Variants in SUSD1 observed in about 807,000 individuals in gnomAD.
SUSD1 encodes the protein sushi domain-containing protein 1.
Under a neutral mutation model 86.9 loss-of-function variants are expected in SUSD1, and 65 were observed. That is an observed-to-expected ratio of 0.75 (90% CI 0.61 to 0.92). SUSD1 has a LOEUF of 0.92. Among genes scored for constraint, SUSD1 ranks in the 40% least tolerant of loss-of-function variants. SUSD1 has a pLI of 0.00. For missense variants in SUSD1, 850 were observed against 929.7 expected (o/e 0.91, Z 1.11); for synonymous variants, 346 against 350.0 (o/e 0.99, Z 0.13).
Position 112,114,210 on chromosome 9 carries a change from C to A in SUSD1, c.887-1342G>T, listed in dbSNP as rs141108611. 9.6e-3 allele frequency among the ~76,000 whole-genome samples: 1,468 copies of A among 152,240 alleles called. 12 individuals are homozygous for A. The highest frequency in any genetic ancestry group is 0.051 in the Middle Eastern group (15 of 294). On this transcript the variant is annotated intron_variant, in intron 6 of 16. Transcript: ENST00000374270. The stretch of plus-strand genomic sequence containing the variant: ...CTATCAAAAACAAACAGGCCTGGTG[C>A]AATAGCTCACGCCTGTAATCACAGC...
intron 15 of SUSD1, among the ~76,000 whole-genome samples, chr9:112,042,787 G>A (rs530620818): frequency 6.6e-6 from 1 of 152,296 alleles, no homozygotes; most frequent in Non-Finnish European, 1.5e-5. Flanking sequence ...AAGGAACCAA[G>A]GTGGGAGTGG....
chr9:112,045,508 T>TTGTTGAAGTCTATAAAATAC (rs11269147), intron 15 of SUSD1, among the ~76,000 whole-genome samples: 49,402 of 152,100 alleles, frequency 0.32, 10,229 homozygotes, highest in African/African-American at 0.58. Flanking sequence ...ACATTATTGT[T>TTGTTGAAGTCTATAAAATAC]ATTATGCGTG....
At chr9:112,143,648 A>G in intron 3 of SUSD1, 25 bp from the exon 4 acceptor site, 2 of 1,566,614 alleles carry the variant, frequency 1.3e-6, no homozygotes, top group African/African-American at 1.4e-5. Context: ...CAAATAGAGA[A>G]AAGGAGATAA....
chr9:112,161,754 G>A (rs1411991333), intron 1 of SUSD1, among the ~76,000 whole-genome samples: 2 of 150,796 alleles, frequency 1.3e-5, no homozygotes, highest in South Asian at 2.1e-4. Context: ...CCCGGGAGGC[G>A]GAGGTTGCAG....
At chr9:112,174,651 A>C (rs964955845) in intron 1 of SUSD1, among the ~76,000 whole-genome samples, 4 of 152,190 alleles carry the variant, frequency 2.6e-5, no homozygotes, top group African/African-American at 9.6e-5. Context: ...CTTTCTCACC[A>C]TATTTAGCAT....
At position 112,144,996 on chromosome 9, in the gene SUSD1, C is replaced by T. The variant is rs148781456; in HGVS notation, c.374-1373G>A. On this transcript the variant is annotated intron_variant, in intron 3 of 16. Transcript: ENST00000374270. ...CTGGGCATGCCTATGGTCCCAGTTG[C>T]TCAAGAGGCTGAGGCAGGAGGATTG... Among the ~76,000 whole-genome samples the T allele has an allele frequency of 4.7e-3, 712 of 152,232 alleles. 4 individuals are homozygous for T. The highest frequency in any genetic ancestry group is 0.016 in the African/African-American group (651 of 41,550).
intron 5 of SUSD1, among the ~76,000 whole-genome samples, chr9:112,124,943 A>T (rs1831707189): frequency 6.6e-6 from 1 of 152,200 alleles, no homozygotes; most frequent in South Asian, 2.1e-4. Flanking sequence ...GAATTACAAA[A>T]TTGATACGAA....
intron 14 of SUSD1, among the ~76,000 whole-genome samples, chr9:112,055,963 T>C (rs1377666817): frequency 6.6e-6 from 1 of 152,144 alleles, no homozygotes; most frequent in African/African-American, 2.4e-5. Flanking sequence ...GTCAAATTCA[T>C]AAAGATGGAA....
intron 2 of SUSD1, among the ~76,000 whole-genome samples, chr9:112,150,809 T>TA (rs1296553738): frequency 6.6e-6 from 1 of 152,128 alleles, no homozygotes; most frequent in Non-Finnish European, 1.5e-5. Context: ...GTATAAAATG[T>TA]AAAAAACTGA....
chr9:112,160,284 C>A (rs1208439234), intron 1 of SUSD1, among the ~76,000 whole-genome samples: 1 of 152,216 alleles, frequency 6.6e-6, no homozygotes. Context: ...TGGCTCACGC[C>A]TGTAATCTCA....
intron 10 of SUSD1, among the ~76,000 whole-genome samples, chr9:112,095,094 G>T (rs1353568722): frequency 6.6e-6 from 1 of 152,180 alleles, no homozygotes; most frequent in Non-Finnish European, 1.5e-5. Context: ...AAATGAAAGT[G>T]GGAAGAAGGT....
intron 14 of SUSD1, among the ~76,000 whole-genome samples, chr9:112,053,722 A>G (rs996638089): frequency 6.6e-6 from 1 of 152,168 alleles, no homozygotes; most frequent in African/African-American, 2.4e-5. Context: ...GGAGTATATC[A>G]AAGGAGAGAA....
At chr9:112,112,694 G>T (rs967513013) in intron 7 of SUSD1, 77 bp downstream of exon 7, 2 of 946,776 alleles carry the variant, frequency 2.1e-6, no homozygotes, top group African/African-American at 1.7e-5. Context: ...AGCTCTCACG[G>T]AAGCAAGTCC....
At chr9:112,169,795 C>T (rs996838160) in intron 1 of SUSD1, among the ~76,000 whole-genome samples, 1 of 151,910 alleles carries the variant, frequency 6.6e-6, no homozygotes, top group Admixed American at 6.6e-5. Flanking sequence ...CTGTCTCAGC[C>T]TCCTGAGTAG....
In SUSD1 at chr9:112,142,492, G is replaced by A. The variant is rs762457959; in HGVS notation, c.534C>T (p.Asp178=). The A allele has an allele frequency of 3.1e-6, 5 of 1,599,856 alleles. No individual in the cohort carries two copies. The highest frequency in any genetic ancestry group is 4.2e-6 in the Non-Finnish European group (5 of 1,176,922). The part of the protein sequence containing the change: ...TTDATSCTEI[D]CGTPPEVPDG... ...CTGGAACCTCAGGAGGGGTACCACA[G>A]TCTATTTCTGAAAATAAATTAATGT... is the stretch of plus-strand genomic sequence containing the variant. Residue 178 remains aspartate (D), a synonymous_variant, in exon 5 of 17, where the codon GAC becomes GAT. Coordinates refer to ENST00000374270, the MANE Select transcript of SUSD1 (RefSeq NM_022486.5).
At chr9:112,132,369 T>A (rs1408665520) in intron 5 of SUSD1, among the ~76,000 whole-genome samples, 1 of 151,698 alleles carries the variant, frequency 6.6e-6, no homozygotes, top group Non-Finnish European at 1.5e-5. Flanking sequence ...CAAAATAAAA[T>A]CTCCCCAGAA....
At chr9:112,076,256 AC>A (rs1564271991) in intron 12 of SUSD1, among the ~76,000 whole-genome samples, 1 of 152,228 alleles carries the variant, frequency 6.6e-6, no homozygotes, top group Non-Finnish European at 1.5e-5. Flanking sequence ...TTTGAAAACT[AC>A]AGCAGGAATC....
intron 8 of SUSD1, among the ~76,000 whole-genome samples, chr9:112,110,670 C>T (rs1427478388): frequency 4.6e-5 from 7 of 151,730 alleles, no homozygotes; most frequent in Admixed American, 1.3e-4. Context: ...GGATTACAGA[C>T]ATGAGTCACC....
At chr9:112,063,511 GGTGA>G (rs764059605) in intron 12 of SUSD1, among the ~76,000 whole-genome samples, 19 of 152,184 alleles carry the variant, frequency 1.2e-4, no homozygotes, top group Non-Finnish European at 2.4e-4. Context: ...GGATAGATGT[GGTGA>G]GTATTACAGT....
Sources: allele counts gnomAD v4.1 joint callset (sites outside exome capture counted in the v4.1 genomes callset), GRCh38; gene constraint gnomAD v4.1.1; transcripts MANE v1.5; gene names NCBI Gene and HGNC (gene_info 2026-07-23, HGNC 2026-07-21).